The following RELN variants were observed in gnomAD, a reference collection of about 807,000 sequenced individuals.
RELN encodes reelin.
A neutral mutation model predicts 427.6 loss-of-function variants in RELN; 108 were observed. The ratio of observed to expected loss-of-function variants is 0.25; its 90% CI spans 0.22 to 0.30. The LOEUF (loss-of-function observed/expected upper bound fraction) is 0.30. Among genes scored for constraint, RELN ranks in the 10% least tolerant of loss-of-function variants. The pLI is 1.00. For synonymous variants in RELN, 1,524 were observed against 1,513.4 expected (o/e 1.01, Z -0.16); for missense variants, 3,715 against 4,302.8 (o/e 0.86, Z 3.82).
chr7:103,974,354 T>C (rs1796827650), intron 1 of RELN, among the ~76,000 whole-genome samples: 1 of 152,162 alleles, frequency 6.6e-6, no homozygotes, highest in Admixed American at 6.5e-5. Context: ...AGCTTGGAAA[T>C]GAACTCAGCC....
rs551213851 is a variant in RELN at position 103,896,629 on chromosome 7, G to A, written c.337+20446C>T. Among the ~76,000 whole-genome samples, 9 of 152,084 alleles carry A rather than the reference G, an allele frequency of 5.9e-5. No individual in the cohort carries two copies. In the South Asian group the frequency reaches 1.9e-3, roughly 32 times the overall value. On this transcript the variant is annotated intron_variant, in intron 2 of 64. Coordinates refer to ENST00000428762, the MANE Select transcript of RELN (RefSeq NM_005045.4). Reference sequence around the variant, plus strand: ...GAGAGGTGACAGAGGAGAGATATGAGGGAACTTCTGAGATTAGGGTAATGA... The same window carrying A: ...GAGAGGTGACAGAGGAGAGATATGAAGGAACTTCTGAGATTAGGGTAATGA...
At chr7:103,495,671 G>A (rs1326735226) in intron 57 of RELN, 52 bp downstream of exon 57, 11 of 1,538,340 alleles carry the variant, frequency 7.2e-6, no homozygotes, top group East Asian at 4.5e-5. Context: ...ATTCTCCCTC[G>A]AGGCCCCAAA....
intron 2 of RELN, among the ~76,000 whole-genome samples, chr7:103,842,113 G>A (rs937126320): frequency 2.0e-5 from 3 of 151,906 alleles, no homozygotes; most frequent in Admixed American, 2.0e-4. Flanking sequence ...TATTTTTTCA[G>A]GAAGTTTAGC....
chr7:103,681,335 G>A (rs1833648835), intron 11 of RELN, among the ~76,000 whole-genome samples: 1 of 152,080 alleles, frequency 6.6e-6, no homozygotes, highest in South Asian at 2.1e-4. Context: ...TTGTATTATG[G>A]AAAAGTTTGT....
At position 103,530,180 on chromosome 7, in the gene RELN, T is replaced by G. The variant is rs540564484; in HGVS notation, c.7349+5136A>C. On this transcript the variant is annotated intron_variant, in intron 46 of 64. Coordinates refer to ENST00000428762, the MANE Select transcript of RELN (RefSeq NM_005045.4). The stretch of plus-strand genomic sequence containing the variant: ...TCAAATGGACATTTCCATTTGTACC[T>G]CCAGCCATCACATGTAATCCAGCAT... Among the ~76,000 whole-genome samples the G allele has an allele frequency of 1.9e-3, 290 of 152,318 alleles. 1 individual carries two copies. Among genetic ancestry groups the G allele is most frequent in the Non-Finnish European group, 2.8e-3 (190 of 68,022 alleles).
chr7:103,783,686 A>AT (rs1791949514), intron 3 of RELN, among the ~76,000 whole-genome samples: 1 of 152,208 alleles, frequency 6.6e-6, no homozygotes. Flanking sequence ...TGTACTTTTT[A>AT]TTAGCAAGAG....
chr7:103,723,955 G>C (rs1420868671), intron 7 of RELN, among the ~76,000 whole-genome samples: 1 of 152,048 alleles, frequency 6.6e-6, no homozygotes, highest in Non-Finnish European at 1.5e-5. Context: ...AAGAAGAATG[G>C]TGCTTCTTTA....
In RELN at chr7:103,657,302, G is replaced by A. The variant is rs1833042235; in HGVS notation, c.1442-3097C>T. 2.0e-5 allele frequency among the ~76,000 whole-genome samples: 3 copies of A among 151,826 alleles called. No individual in the cohort carries two copies. The South Asian group carries it at 6.2e-4, about 32-fold the overall frequency. On this transcript the variant is annotated intron_variant, in intron 12 of 64. Transcript: ENST00000428762. ...AGCTACTAAAGCCATTGTAATTGAT[G>A]GTCTCTGGAGAAAAAATCCACGTGA...
intron 2 of RELN, among the ~76,000 whole-genome samples, chr7:103,846,677 A>G (rs919515822): frequency 1.3e-5 from 2 of 152,240 alleles, no homozygotes; most frequent in African/African-American, 2.4e-5. Flanking sequence ...CAATCTATCC[A>G]TCTGACAAAG....
chr7:103,725,730 G>A (rs182602425), intron 7 of RELN, among the ~76,000 whole-genome samples: 31 of 152,070 alleles, frequency 2.0e-4, no homozygotes, highest in African/African-American at 7.2e-4. Context: ...ATAAAGTTCA[G>A]TGTCACCACC....
intron 3 of RELN, among the ~76,000 whole-genome samples, chr7:103,780,235 C>T (rs953992410): frequency 6.6e-6 from 1 of 152,174 alleles, no homozygotes; most frequent in Admixed American, 6.5e-5. Flanking sequence ...GTTCTGTGAG[C>T]CCCTCGACTT....
At chr7:103,636,524 C>G (rs552597646) in intron 17 of RELN, 56 bp from the exon 18 acceptor site, 3 of 1,156,284 alleles carry the variant, frequency 2.6e-6, no homozygotes, top group South Asian at 1.3e-5. Flanking sequence ...CGGAGATTCT[C>G]GAATCTACTT....
chr7:103,548,332 G>GTATATA (rs71519153), intron 41 of RELN, among the ~76,000 whole-genome samples: 9 of 152,094 alleles, frequency 5.9e-5, no homozygotes, highest in South Asian at 2.1e-4. Context: ...ATGGATTTTT[G>GTATATA]TATATATATA....
intron 2 of RELN, among the ~76,000 whole-genome samples, chr7:103,897,454 T>C (rs1420887251): frequency 1.3e-5 from 2 of 152,060 alleles, no homozygotes; most frequent in Non-Finnish European, 2.9e-5. Flanking sequence ...TGTGTATTTA[T>C]GTGGTGTGTG....
At chr7:103,723,242 G>C (rs1178626514) in intron 7 of RELN, 51 bp from the exon 8 acceptor site, 1 of 1,123,822 alleles carries the variant, frequency 8.9e-7, no homozygotes, top group Middle Eastern at 2.0e-4. Context: ...AGGAGAAAGA[G>C]GAGAAAGATG....
intron 3 of RELN, among the ~76,000 whole-genome samples, chr7:103,828,976 A>G (rs1793210519): frequency 6.6e-6 from 1 of 151,906 alleles, no homozygotes; most frequent in Non-Finnish European, 1.5e-5. Context: ...AGTAGCAAAA[A>G]CCATCTGCTT....
At chr7:103,750,513 T>A (rs969831585) in intron 5 of RELN, among the ~76,000 whole-genome samples, 7 of 152,206 alleles carry the variant, frequency 4.6e-5, no homozygotes, top group African/African-American at 1.7e-4. Flanking sequence ...TATTTCAACA[T>A]ATACTCATCC....
At chr7:103,778,612 T>C (rs983885021) in intron 3 of RELN, among the ~76,000 whole-genome samples, 8 of 152,234 alleles carry the variant, frequency 5.3e-5, no homozygotes, top group African/African-American at 1.4e-4. Flanking sequence ...CAACATCTGC[T>C]AGTCACTTTA....
At chr7:103,692,756 T>G (rs1833897926) in intron 10 of RELN, among the ~76,000 whole-genome samples, 2 of 151,954 alleles carry the variant, frequency 1.3e-5, no homozygotes, top group Non-Finnish European at 2.9e-5. Flanking sequence ...CAAATTTGAA[T>G]GACCAGTGGA....
Sources: allele counts gnomAD v4.1 joint callset (sites outside exome capture counted in the v4.1 genomes callset), GRCh38; gene constraint gnomAD v4.1.1; transcripts MANE v1.5; gene names NCBI Gene and HGNC (gene_info 2026-07-23, HGNC 2026-07-21).